CPNE9: variants seen among roughly 807,000 people sequenced by gnomAD.
The protein encoded by CPNE9 is copine family member 9, also known as copine-9.
In CPNE9, 59 loss-of-function variants were observed where a neutral mutation model predicts 83.0. The observed-to-expected ratio is 0.71, with a 90% CI of 0.58 to 0.88. The LOEUF (loss-of-function observed/expected upper bound fraction) is 0.88, where lower values mean the gene tolerates loss of function less well. Among genes scored for constraint, CPNE9 ranks in the 40% least tolerant of loss-of-function variants. The probability of loss-of-function intolerance (pLI) is 0.00; values close to 1 mark genes in which losing one functional copy is unlikely to be tolerated. For synonymous variants in CPNE9, 256 were observed against 273.4 expected (o/e 0.94, Z 0.63); for missense variants, 619 against 720.8 (o/e 0.86, Z 1.62).
Position 9,704,487 on chromosome 3 carries a change from A to T in CPNE9, c.69-100A>T, listed in dbSNP as rs2076539845. ...GGTAGCCATGGGGGACAGAGGTTCG[A>T]TGCGGGCCCCATGCCTCTCCTCAGT... is the stretch of plus-strand genomic sequence containing the variant. On this transcript the variant is annotated intron_variant, in intron 1 of 20. Coordinates refer to ENST00000383832, the MANE Select transcript of CPNE9 (RefSeq NM_153635.3). This position sits in a 1 kb window ranked among gnomAD's most constrained non-coding sequence, Gnocchi z 7.1. The T allele has an allele frequency of 2.0e-6, 2 of 1,005,548 alleles. No homozygotes were observed. Among genetic ancestry groups the T allele is most frequent in the South Asian group, 1.3e-5 (1 of 79,024 alleles). 62.3% of individuals were successfully genotyped at this position (1,005,548 alleles called of 1,614,324 possible).
chr3:9,725,585 T>C (rs2076770262), intron 17 of CPNE9, among the ~76,000 whole-genome samples: 1 of 149,020 alleles, frequency 6.7e-6, no homozygotes, highest in African/African-American at 2.5e-5. Flanking sequence ...TATATATATG[T>C]GTATATATAT....
At position 9,727,186 on chromosome 3, in the gene CPNE9, G is replaced by C. The variant is rs1321991442; in HGVS notation, c.1476G>C (p.Gln492His). The stretch of plus-strand genomic sequence containing the variant: ...GCTACGCAGAGCGGGACATCGTTCA[G>C]GTAGACCTGACGTGGGAGAGGCTGT... ...RGRYAERDIV[Q>H]FVPFRDYVDR... The change falls in exon 20 of 21, where the codon CAG (glutamine) becomes CAC (histidine). Residue 492 changes from glutamine (Q) to histidine (H), a missense_variant and splice_region_variant. Gln to His is a conservative substitution (Grantham distance 24). Coordinates refer to ENST00000383832, the MANE Select transcript of CPNE9 (RefSeq NM_153635.3). 6.2e-7 allele frequency: 1 copy of C among 1,614,236 alleles called. No individual in the cohort carries two copies.
chr3:9,715,868 G>A, intron 13 of CPNE9, 106 bp from the exon 14 acceptor site: 1 of 912,152 alleles, frequency 1.1e-6, no homozygotes, highest in South Asian at 1.5e-5. Flanking sequence ...GTGGAATCAT[G>A]TGCCTCCCAT....
At chr3:9,727,062 TG>T in intron 19 of CPNE9, 50 bp from the exon 20 acceptor site, 1 of 1,590,562 alleles carries the variant, frequency 6.3e-7, no homozygotes, top group Non-Finnish European at 8.6e-7. Context: ...GGGGGCAGCA[TG>T]GGGTGGGGCT....
In CPNE9 at chr3:9,714,709, G is replaced by A. The variant is rs555534843; in HGVS notation, c.651-205G>A. 2.0e-4 allele frequency among the ~76,000 whole-genome samples: 29 copies of A among 146,956 alleles called. No individual in the cohort carries two copies. In the Middle Eastern group the frequency reaches 0.011, roughly 58 times the overall value. On this transcript the variant is annotated intron_variant, in intron 10 of 20. Transcript: ENST00000383832. ...AAAAAAGTATTAGTGGTACTAACCA[G>A]AGTAGTATTAATAGGGGTAGGTGGT...
At position 9,729,693 on chromosome 3, in the gene CPNE9, G is replaced by A; in HGVS notation, c.*1G>A. 1 of 1,610,652 alleles carries A rather than the reference G, an allele frequency of 6.2e-7. No individual in the cohort carries two copies. The highest frequency in any genetic ancestry group is 8.5e-7 in the Non-Finnish European group (1 of 1,177,620). On this transcript the variant is annotated 3_prime_UTR_variant, in exon 21 of 21. Coordinates refer to ENST00000383832, the MANE Select transcript of CPNE9 (RefSeq NM_153635.3). ...GATCCCAGCTCCAGAGCAGCCCTGA[G>A]GATTCCACATATCCAATGCCTCACA...
At chr3:9,711,723 A>G (rs1173149074) in intron 7 of CPNE9, among the ~76,000 whole-genome samples, 1 of 152,210 alleles carries the variant, frequency 6.6e-6, no homozygotes, top group Non-Finnish European at 1.5e-5. Context: ...ATCAGGGTTC[A>G]CAGGCCCCTA....
At chr3:9,709,295 A>G (rs1461549038) in intron 7 of CPNE9, among the ~76,000 whole-genome samples, 2 of 150,786 alleles carry the variant, frequency 1.3e-5, no homozygotes, top group East Asian at 2.0e-4. Flanking sequence ...AAAACAAAGA[A>G]AAAAGAAAGA....
At chr3:9,721,708 A>G (rs569845161) in intron 17 of CPNE9, among the ~76,000 whole-genome samples, 62 of 152,312 alleles carry the variant, frequency 4.1e-4, no homozygotes, top group African/African-American at 1.3e-3. Flanking sequence ...TGAAACAGTG[A>G]AGAGTTTAAT....
intron 15 of CPNE9, among the ~76,000 whole-genome samples, chr3:9,717,761 T>C (rs2076697122): frequency 1.3e-5 from 2 of 151,770 alleles, no homozygotes; most frequent in Non-Finnish European, 2.9e-5. Flanking sequence ...TGGATAAAGA[T>C]GTATAAGTAG....
chr3:9,705,417 T>TCCCCC, intron 4 of CPNE9, 47 bp from the exon 5 acceptor site: 1 of 570,222 alleles, frequency 1.8e-6, no homozygotes. Context: ...CTTTCCACCC[T>TCCCCC]CTCCCCCACC....
At chr3:9,715,858 G>A in intron 13 of CPNE9, 116 bp from the exon 14 acceptor site, 2 of 819,168 alleles carry the variant, frequency 2.4e-6, no homozygotes, top group Non-Finnish European at 4.1e-6. Context: ...GGGGGAGCGG[G>A]TGGAATCATG....
At position 9,705,768 on chromosome 3, in the gene CPNE9, G is replaced by A. The variant is rs566258212; in HGVS notation, c.300+48G>A. The stretch of plus-strand genomic sequence containing the variant: ...AGAGGTTGGGGGTGGGGGTGGTATT[G>A]TGGAGAACAGGCTTGGACTGATGAC... On this transcript the variant is annotated intron_variant, in intron 6 of 20. Transcript: ENST00000383832. The A allele has an allele frequency of 6.9e-6, 11 of 1,600,354 alleles. No homozygotes were observed. In the South Asian group the frequency reaches 1.1e-4, roughly 16 times the overall value.
intron 7 of CPNE9, among the ~76,000 whole-genome samples, chr3:9,707,549 A>G (rs1380827107): frequency 6.6e-6 from 1 of 151,642 alleles, no homozygotes; most frequent in African/African-American, 2.4e-5. Flanking sequence ...GGAAAAGAGG[A>G]GTTGAGGACA....
At position 9,712,561 on chromosome 3, in the gene CPNE9, G is replaced by A. The variant is rs770362976; in HGVS notation, c.398G>A (p.Cys133Tyr). ...RTLTGVPGKK[C>Y]GTILLTAEEL... ...TCCAGGGGTGTACCAGGCAAGAAGT[G>A]TGGGACCATATTGCTGACTGCAGAA... Residue 133 changes from cysteine to tyrosine, a missense_variant, in exon 8 of 21, where the codon TGT becomes TAT. Cys to Tyr is a radical substitution (Grantham distance 194). Coordinates refer to ENST00000383832, the MANE Select transcript of CPNE9 (RefSeq NM_153635.3). The A allele has an allele frequency of 8.1e-6, 13 of 1,614,046 alleles. No homozygotes were observed. Among genetic ancestry groups the A allele is most frequent in the African/African-American group, 2.7e-5 (2 of 74,926 alleles).
intron 7 of CPNE9, among the ~76,000 whole-genome samples, chr3:9,709,588 T>A (rs2076603804): frequency 6.7e-6 from 1 of 150,366 alleles, no homozygotes; most frequent in East Asian, 2.1e-4. Flanking sequence ...CAGGCTGGTC[T>A]TGAACGCCTT....
Position 9,705,718 on chromosome 3 carries a change from A to G in CPNE9, c.298A>G (p.Lys100Glu). The part of the protein sequence containing the change: ...VDSKTNISKP[K>E]DFLGQAFLAL... ...TGGCTGCCACTGCTGGGACCTGCAG[A>G]AGGTGAGGCTGAATGGGGCTGGGCA... The change falls in exon 6 of 21, where the codon AAG (lysine) becomes GAG (glutamate). Residue 100 changes from lysine to glutamate, a missense_variant and splice_region_variant. This residue lies in a region of CPNE9 where 438 missense variants were observed against 562.9 expected (regional missense o/e 0.78). Transcript: ENST00000383832. 1 of 1,613,796 alleles carries G rather than the reference A, an allele frequency of 6.2e-7. No individual in the cohort carries two copies. The highest frequency in any genetic ancestry group is 8.5e-7 in the Non-Finnish European group (1 of 1,179,794).
In CPNE9 at chr3:9,729,883, C is replaced by A. The variant is rs2076814616; in HGVS notation, c.*191C>A. On this transcript the variant is annotated 3_prime_UTR_variant, in exon 21 of 21. Transcript: ENST00000383832. ...TATCACCACCTCTCTGCCTTCATGC[C>A]AATAATAAAGCTGATCTTTATTCCA... The A allele has an allele frequency of 5.6e-6, 4 of 709,258 alleles. No individual in the cohort carries two copies. The highest frequency in any genetic ancestry group is 8.7e-6 in the Non-Finnish European group (4 of 459,192). 43.9% of individuals were successfully genotyped at this position (709,258 alleles called of 1,614,324 possible). A position where few individuals can be genotyped will look rare whatever the true frequency, so the allele number is the denominator to read the frequency against.
At position 9,729,784 on chromosome 3, in the gene CPNE9, C is replaced by G; in HGVS notation, c.*92C>G. ...GAGGCACCTGGAACCCTGGACTTCA[C>G]TGGGAGGGCCAACTTGGAGGATCAG... On this transcript the variant is annotated 3_prime_UTR_variant, in exon 21 of 21. Transcript: ENST00000383832. 6.8e-7 allele frequency: 1 copy of G among 1,464,022 alleles called. No individual in the cohort carries two copies. The allele number at this position is 1,464,022 out of a possible 1,614,324, so 90.7% of individuals were successfully genotyped here. A position where few individuals can be genotyped will look rare whatever the true frequency, so the allele number is the denominator to read the frequency against.
Sources: gnomAD v4.1 joint callset for allele counts (sites outside exome capture counted in the v4.1 genomes callset) on GRCh38, gnomAD v4.1.1 for gene constraint, gnomAD v4.1.1 regional missense constraint, Gnocchi (gnomAD v3.1) non-coding constraint, MANE v1.5 for transcripts, NCBI Gene and HGNC (gene_info 2026-07-23, HGNC 2026-07-21) for gene names.